Variants in STAT4 observed in about 807,000 individuals in gnomAD.
STAT4 encodes the protein signal transducer and activator of transcription 4.
A neutral mutation model predicts 110.5 loss-of-function variants in STAT4; 42 were observed. The observed-to-expected ratio is 0.38, with a 90% CI of 0.30 to 0.49. The LOEUF is 0.49. STAT4 is among the 20% of genes least tolerant of loss of function. The pLI is 0.95. For synonymous variants in STAT4, 284 were observed against 302.2 expected, an observed-to-expected ratio of 0.94 and a Z score of 0.63; for missense variants, 632 against 887.9, an observed-to-expected ratio of 0.71 and a Z score of 3.66.
intron 5 of STAT4, 57 bp downstream of exon 5, chr2:191,073,041 C>A (rs1437844232): frequency 6.9e-7 from 1 of 1,446,046 alleles, no homozygotes; most frequent in Admixed American, 1.8e-5. Flanking sequence ...GAGAATGGTG[C>A]ATAGTTATAT....
rs774488782 is a variant in STAT4, at chr2:191,042,429, C to T, written c.1252-1281G>A. 3.2e-4 allele frequency among the ~76,000 whole-genome samples: 48 copies of T among 152,092 alleles called. No homozygotes were observed. Among genetic ancestry groups the T allele is most frequent in the Admixed American group, 5.2e-4 (8 of 15,270 alleles). On this transcript the variant is annotated intron_variant, in intron 14 of 23. Transcript: ENST00000392320. This position sits in a 1 kb window ranked among gnomAD's most constrained non-coding sequence, Gnocchi z 4.2. ...TGGCATGTTGAAGGCGCAGATCAACCGTTTGTAATGGGAAGATAGTGCTTA... is the reference window on the plus strand; with the variant it reads ...TGGCATGTTGAAGGCGCAGATCAACTGTTTGTAATGGGAAGATAGTGCTTA...
chr2:191,128,872 C>A (rs972096323), intron 3 of STAT4, among the ~76,000 whole-genome samples: 6 of 152,106 alleles, frequency 3.9e-5, no homozygotes, highest in Non-Finnish European at 8.8e-5. Context: ...GACAAGATGG[C>A]CTGTTCCCTC....
chr2:191,105,129 C>A (rs1415773725), intron 3 of STAT4, among the ~76,000 whole-genome samples: 1 of 152,224 alleles, frequency 6.6e-6, no homozygotes, highest in Admixed American at 6.5e-5. Flanking sequence ...TGATAGATAA[C>A]TAGCTGGAAT....
intron 3 of STAT4, among the ~76,000 whole-genome samples, chr2:191,085,343 A>C (rs2125294806): frequency 6.6e-6 from 1 of 152,036 alleles, no homozygotes; most frequent in Non-Finnish European, 1.5e-5. Context: ...AGAGAGACAT[A>C]TTGATCTTAC....
At chr2:191,101,484 C>A (rs2125335182) in intron 3 of STAT4, among the ~76,000 whole-genome samples, 1 of 152,198 alleles carries the variant, frequency 6.6e-6, no homozygotes, top group South Asian at 2.1e-4. Context: ...CATAAGCCAA[C>A]AATATTTTAG....
chr2:191,105,011 A>C (rs191758914), intron 3 of STAT4, among the ~76,000 whole-genome samples: 1 of 152,356 alleles, frequency 6.6e-6, no homozygotes, highest in East Asian at 1.9e-4. Flanking sequence ...AAGGCTTTTT[A>C]GATTCATCAC....
At chr2:191,102,775 C>T (rs1407872011) in intron 3 of STAT4, among the ~76,000 whole-genome samples, 1 of 152,202 alleles carries the variant, frequency 6.6e-6, no homozygotes, top group Non-Finnish European at 1.5e-5. Context: ...TCTTTGTTAA[C>T]TCAGGAAAGT....
At position 191,083,326 on chromosome 2, in the gene STAT4, T is replaced by TCTA. The variant is rs2125289293; in HGVS notation, c.274-7004_274-7002dup. On this transcript the variant is annotated intron_variant, in intron 3 of 23. Transcript: ENST00000392320. The surrounding 1 kb of genome is among the most constrained non-coding windows in gnomAD (Gnocchi z 4.6). ...TGGTATGGAATATGTGACAGAGTTA[T>TCTA]CTACTCAAGGACTTTGGGAACTGGA... 6.6e-6 allele frequency among the ~76,000 whole-genome samples: 1 copy of TCTA among 152,322 alleles called. No individual in the cohort carries two copies. The highest frequency in any genetic ancestry group is 2.1e-4 in the South Asian group (1 of 4,826).
Position 191,029,795 on chromosome 2 carries a change from A to C in STAT4, c.*45T>G, listed in dbSNP as rs766497133. 6.4e-7 allele frequency: 1 copy of C among 1,574,276 alleles called. No homozygotes were observed. Among genetic ancestry groups the C allele is most frequent in the Non-Finnish European group, 8.7e-7 (1 of 1,152,578 alleles). On this transcript the variant is annotated 3_prime_UTR_variant, in exon 24 of 24. Transcript: ENST00000392320. The surrounding 1 kb of genome is among the most constrained non-coding windows in gnomAD (Gnocchi z 4.5). Reference sequence around the variant, plus strand: ...TTATTGGGCAAAGAACAGTCTTTAAACTTTTTCATTTGCTTCCTTTCTTGG... The same window carrying C: ...TTATTGGGCAAAGAACAGTCTTTAACCTTTTTCATTTGCTTCCTTTCTTGG...
intron 3 of STAT4, among the ~76,000 whole-genome samples, chr2:191,096,849 A>G (rs1698000221): frequency 2.0e-5 from 3 of 152,218 alleles, no homozygotes; most frequent in African/African-American, 7.2e-5. Flanking sequence ...TGCAGATAAC[A>G]TGATTGTATA....
Position 191,039,348 on chromosome 2 carries a change from T to C in STAT4, c.1336-51A>G, listed in dbSNP as rs1357026354. The C allele has an allele frequency of 1.3e-6, 2 of 1,530,422 alleles. No individual in the cohort carries two copies. Among genetic ancestry groups the C allele is most frequent in the Admixed American group, 1.7e-5 (1 of 59,842 alleles). 94.8% of individuals were successfully genotyped at this position (1,530,422 alleles called of 1,614,324 possible). A position where few individuals can be genotyped will look rare whatever the true frequency, so the allele number is the denominator to read the frequency against. Reference sequence around the variant, plus strand: ...TTATTACAGGTAGTCCCACCTTACATTGATCTTATGCTTGACCCTCGCCTC... The same window carrying C: ...TTATTACAGGTAGTCCCACCTTACACTGATCTTATGCTTGACCCTCGCCTC... On this transcript the variant is annotated intron_variant, in intron 15 of 23. Transcript: ENST00000392320. This position sits in a 1 kb window ranked among gnomAD's most constrained non-coding sequence, Gnocchi z 4.7.
In STAT4 at chr2:191,083,129, G is replaced by C. The variant is rs893355677; in HGVS notation, c.274-6804C>G. On this transcript the variant is annotated intron_variant, in intron 3 of 23. Coordinates refer to ENST00000392320, the MANE Select transcript of STAT4 (RefSeq NM_003151.4). The surrounding 1 kb of genome is among the most constrained non-coding windows in gnomAD (Gnocchi z 4.6). ...CATAACCAACAACTGTCCTAGCTTG[G>C]GTTTCTTCAGAAACTGACCTTGAGA... Among the ~76,000 whole-genome samples, 1 of 152,110 alleles carries C rather than the reference G, an allele frequency of 6.6e-6. No homozygotes were observed. The highest frequency in any genetic ancestry group is 1.5e-5 in the Non-Finnish European group (1 of 68,028).
rs575461233 is a variant in STAT4 at position 191,110,619 on chromosome 2, C to T, written c.274-34294G>A. On this transcript the variant is annotated intron_variant, in intron 3 of 23. Coordinates refer to ENST00000392320, the MANE Select transcript of STAT4 (RefSeq NM_003151.4). The surrounding 1 kb of genome is among the most constrained non-coding windows in gnomAD (Gnocchi z 4.5). ...TTTGTCTTTAAAGTGCTTTTTGTTT[C>T]GTGGTATACATGTATCCAAGATGGG... Among the ~76,000 whole-genome samples the T allele has an allele frequency of 2.6e-5, 4 of 151,974 alleles. No homozygotes were observed. Among genetic ancestry groups the T allele is most frequent in the Admixed American group, 1.3e-4 (2 of 15,258 alleles).
intron 3 of STAT4, among the ~76,000 whole-genome samples, chr2:191,119,806 T>C (rs111906667): frequency 2.6e-5 from 4 of 152,308 alleles, no homozygotes; most frequent in African/African-American, 7.2e-5. Flanking sequence ...TAATGTGGTA[T>C]AGGTGCAGGG....
intron 3 of STAT4, among the ~76,000 whole-genome samples, chr2:191,098,963 A>G (rs985081371): frequency 4.0e-5 from 6 of 151,580 alleles, no homozygotes; most frequent in Admixed American, 2.6e-4. Context: ...ATAAAAAATA[A>G]TTATTAATAT....
At position 191,043,484 on chromosome 2, in the gene STAT4, C is replaced by A. The variant is rs769647204; in HGVS notation, c.1252-2336G>T. 1.3e-5 allele frequency among the ~76,000 whole-genome samples: 2 copies of A among 152,118 alleles called. No individual in the cohort carries two copies. Among genetic ancestry groups the A allele is most frequent in the Non-Finnish European group, 2.9e-5 (2 of 68,024 alleles). On this transcript the variant is annotated intron_variant, in intron 14 of 23. Transcript: ENST00000392320. The surrounding 1 kb of genome is among the most constrained non-coding windows in gnomAD (Gnocchi z 4.8). The stretch of plus-strand genomic sequence containing the variant: ...ACCACTTATGCAATTGTTACAATCA[C>A]TTTGGAGAACAATTCCTCAGTATCT...
rs1174678921 is a variant in STAT4, at chr2:191,135,995, C to A, written c.273+10618G>T. Among the ~76,000 whole-genome samples the A allele has an allele frequency of 9.2e-6, 1 of 108,238 alleles. No homozygotes were observed. The allele number at this position is 108,238 out of a possible 152,430, so 71.0% of individuals were successfully genotyped here. On this transcript the variant is annotated intron_variant, in intron 3 of 23. Transcript: ENST00000392320. The surrounding 1 kb of genome is among the most constrained non-coding windows in gnomAD (Gnocchi z 4.8). ...CAAAATACTAGCAAATCAAATCCAACAGCATCTCAGAAAAAAAAAAAAAAA... is the reference window on the plus strand; with the variant it reads ...CAAAATACTAGCAAATCAAATCCAAAAGCATCTCAGAAAAAAAAAAAAAAA...
At chr2:191,133,921 A>G (rs1411392924) in intron 3 of STAT4, among the ~76,000 whole-genome samples, 1 of 152,250 alleles carries the variant, frequency 6.6e-6, no homozygotes, top group African/African-American at 2.4e-5. Context: ...TTCAGCAGCA[A>G]AAAGAAATGA....
Position 191,062,772 on chromosome 2 carries a change from G to T in STAT4, c.931C>A (p.Leu311Ile). 6.2e-7 allele frequency: 1 copy of T among 1,613,660 alleles called. No individual in the cohort carries two copies. The highest frequency in any genetic ancestry group is 8.5e-7 in the Non-Finnish European group (1 of 1,179,790). ...LERVTFLIYN[L>I]FKNSFVVERQ... ...TAGCACTTCACTTACTTCTTGAAAA[G>T]GTTGTAGATCAAGAAGGTGACTCTT... The change falls in exon 9 of 24, where the codon CTT becomes ATT. Residue 311 changes from leucine to isoleucine, a missense_variant. By Grantham distance (5) the Leu-to-Ile change is conservative. Around this residue, in one of 4 missense-constraint regions of STAT4, gnomAD observed 488 missense variants for 632.8 expected, o/e 0.77. Transcript: ENST00000392320. The surrounding 1 kb of genome is among the most constrained non-coding windows in gnomAD (Gnocchi z 4.9).
Sources: allele counts gnomAD v4.1 joint callset (sites outside exome capture counted in the v4.1 genomes callset), GRCh38; gene constraint gnomAD v4.1.1; regional missense constraint gnomAD v4.1.1; non-coding constraint Gnocchi (gnomAD v3.1); transcripts MANE v1.5; gene names NCBI Gene and HGNC (gene_info 2026-07-23, HGNC 2026-07-21).